The following ADAMTSL4 variants were observed in gnomAD, a reference collection of about 807,000 sequenced individuals.
The protein encoded by ADAMTSL4 is ADAMTS like 4, also known as ADAMTS-like protein 4.
ADAMTSL4 carries 97 observed loss-of-function variants against 122.8 expected under a neutral mutation model. The observed-to-expected ratio is 0.79, with a 90% CI of 0.67 to 0.93. ADAMTSL4 has a LOEUF of 0.93. ADAMTSL4 is among the 40% of genes least tolerant of loss of function. The probability of loss-of-function intolerance (pLI) is 0.00; values close to 1 mark genes in which losing one functional copy is unlikely to be tolerated. For missense variants in ADAMTSL4, 1,408 were observed against 1,453.5 expected (o/e 0.97, Z 0.51); for synonymous variants, 592 against 568.0 (o/e 1.04, Z -0.60).
At chr1:150,550,731 C>T (rs1218837769) in intron 2 of ADAMTSL4, 2 of 456,330 alleles carry the variant, frequency 4.4e-6, no homozygotes, top group African/African-American at 4.0e-5. Flanking sequence ...AGTGGCCGGC[C>T]CAGCCAGGGG....
In ADAMTSL4 at chr1:150,559,422, G is replaced by A; in HGVS notation, c.2899G>A (p.Gly967Arg). The A allele has an allele frequency of 6.2e-7, 1 of 1,613,278 alleles. No homozygotes were observed. Among genetic ancestry groups the A allele is most frequent in the Non-Finnish European group, 8.5e-7 (1 of 1,179,962 alleles). Residue 967 changes from glycine (G) to arginine (R), a missense_variant, in exon 17 of 19, where the codon GGG becomes AGG. By Grantham distance (125) the Gly-to-Arg change is moderately radical. Transcript: ENST00000271643. This position sits in a 1 kb window ranked among gnomAD's most constrained non-coding sequence, Gnocchi z 4.1. ...PRPPALQPCQ[G>R]QACQDRWFST... ...GCCCCCTGCCCTGCAGCCCTGTCAA[G>A]GGCAGGCCTGCCAGGACCGATGGTT...
chr1:150,558,662 C>T lies in ADAMTSL4; in HGVS notation c.2559+13C>T, dbSNP rs769565853. ...CTGGAGCTCCAAGGTGAGCCCGGAACCCCCAGCCATATCCTGCATCCTGGG... is the reference window on the plus strand; with the variant it reads ...CTGGAGCTCCAAGGTGAGCCCGGAATCCCCAGCCATATCCTGCATCCTGGG... On this transcript the variant is annotated intron_variant, in intron 15 of 18. Transcript: ENST00000271643. The T allele has an allele frequency of 3.7e-6, 6 of 1,613,782 alleles. No homozygotes were observed. Among genetic ancestry groups the T allele is most frequent in the Non-Finnish European group, 5.1e-6 (6 of 1,179,992 alleles).
chr1:150,551,419 G>A, intron 2 of ADAMTSL4: 1 of 203,026 alleles, frequency 4.9e-6, no homozygotes, highest in Admixed American at 5.2e-5. Flanking sequence ...GAAGGGAAGA[G>A]AAAGCCGGGA....
chr1:150,556,959 C>A lies in ADAMTSL4; in HGVS notation c.1770C>A (p.Asn590Lys). 6.2e-7 allele frequency: 1 copy of A among 1,614,124 alleles called. No individual in the cohort carries two copies. The highest frequency in any genetic ancestry group is 8.5e-7 in the Non-Finnish European group (1 of 1,179,998). Residue 590 changes from asparagine (N) to lysine (K), a missense_variant, in exon 11 of 19, where the codon AAC becomes AAA. Transcript: ENST00000271643. This position sits in a 1 kb window ranked among gnomAD's most constrained non-coding sequence, Gnocchi z 4.1. ...VDVYMIFQEE[N>K]PGVFYQYVIS... ...CCCAGATGATCTTTCAGGAGGAAAA[C>A]CCAGGCGTTTTTTATCAGTATGTCA... is the stretch of plus-strand genomic sequence containing the variant.
At chr1:150,550,693 G>C (rs773325041) in intron 2 of ADAMTSL4, 1 of 454,340 alleles carries the variant, frequency 2.2e-6, no homozygotes, top group East Asian at 7.0e-5. Flanking sequence ...GGCCTCCCCC[G>C]TTCAGTCAGG....
chr1:150,557,131 C>A lies in ADAMTSL4; in HGVS notation c.1862-19C>A. On this transcript the variant is annotated intron_variant, in intron 11 of 18. Coordinates refer to ENST00000271643, the MANE Select transcript of ADAMTSL4 (RefSeq NM_019032.6). ...CGGGGCAGTGGGGTGGCATCTGATT[C>A]GCCTGCTCCCCTGCACAGAGATTCT... 2 of 1,612,820 alleles carry A rather than the reference C, an allele frequency of 1.2e-6. No homozygotes were observed. Among genetic ancestry groups the A allele is most frequent in the Non-Finnish European group, 1.7e-6 (2 of 1,179,868 alleles).
At position 150,556,909 on chromosome 1, in the gene ADAMTSL4, C is replaced by T. The variant is rs751769088; in HGVS notation, c.1750-30C>T. On this transcript the variant is annotated intron_variant, in intron 10 of 18. Transcript: ENST00000271643. This position sits in a 1 kb window ranked among gnomAD's most constrained non-coding sequence, Gnocchi z 4.1. ...GGTGGCATCCTCTTCTGGCCACCCC[C>T]ACATATTCATTATCTTCTCTTCTCC... 81 of 1,610,876 alleles carry T rather than the reference C, an allele frequency of 5.0e-5. No homozygotes were observed. The South Asian group carries it at 8.9e-4, about 18-fold the overall frequency.
chr1:150,560,301 G>A lies in ADAMTSL4; in HGVS notation c.*105G>A. On this transcript the variant is annotated 3_prime_UTR_variant, in exon 19 of 19. Transcript: ENST00000271643. ...CTCCAGCCTGTCCCAGTCTCAGCAG[G>A]GATGTCCTCCAGGTGACAGAGGGTG... 6.6e-7 allele frequency: 1 copy of A among 1,525,094 alleles called. No individual in the cohort carries two copies. The highest frequency in any genetic ancestry group is 8.9e-7 in the Non-Finnish European group (1 of 1,128,718). 94.5% of individuals were successfully genotyped at this position (1,525,094 alleles called of 1,614,324 possible). A position where few individuals can be genotyped will look rare whatever the true frequency, so the allele number is the denominator to read the frequency against.
At position 150,554,005 on chromosome 1, in the gene ADAMTSL4, G is replaced by C; in HGVS notation, c.1014G>C (p.Trp338Cys). ...CTGACCCTCAGCACCCGGGCGCCTGGCTGCCCCTGCTGAGCAACGGCCCCC... is the reference window on the plus strand; with the variant it reads ...CTGACCCTCAGCACCCGGGCGCCTGCCTGCCCCTGCTGAGCAACGGCCCCC... ...LEPDPQHPGA[W>C]LPLLSNGPHA... Residue 338 changes from tryptophan (W) to cysteine (C), a missense_variant, in exon 6 of 19, where the codon TGG (tryptophan) becomes TGC (cysteine). Physicochemically the swap from Trp to Cys is radical, Grantham distance 215. Coordinates refer to ENST00000271643, the MANE Select transcript of ADAMTSL4 (RefSeq NM_019032.6). The surrounding 1 kb of genome is among the most constrained non-coding windows in gnomAD (Gnocchi z 4.0). 1 of 1,611,832 alleles carries C rather than the reference G, an allele frequency of 6.2e-7. No individual in the cohort carries two copies. The highest frequency in any genetic ancestry group is 8.5e-7 in the Non-Finnish European group (1 of 1,179,790).
chr1:150,555,915 C>T (rs1672057508), intron 8 of ADAMTSL4: 1 of 611,250 alleles, frequency 1.6e-6, no homozygotes, highest in Non-Finnish European at 2.9e-6. Flanking sequence ...AATTCAACAA[C>T]AAAACACCAT....
chr1:150,560,497 A>G lies in ADAMTSL4; in HGVS notation c.*301A>G, dbSNP rs1570968094. 2 of 459,982 alleles carry G rather than the reference A, an allele frequency of 4.3e-6. No individual in the cohort carries two copies. The highest frequency in any genetic ancestry group is 8.0e-6 in the Non-Finnish European group (2 of 251,176). The allele number at this position is 459,982 out of a possible 1,614,324, so 28.5% of individuals were successfully genotyped here. On this transcript the variant is annotated 3_prime_UTR_variant, in exon 19 of 19. Transcript: ENST00000271643. ...GGTTACACAGACTGAGAAGGACAAG[A>G]CCTGTTTCCTTGAGACTTTCCTAGG...
intron 14 of ADAMTSL4, 154 bp from the exon 15 acceptor site, chr1:150,558,319 A>G: frequency 6.6e-7 from 1 of 1,509,894 alleles, no homozygotes; most frequent in South Asian, 1.3e-5. Flanking sequence ...CTGGGGGCCC[A>G]GGGCCCTAGG....
rs766712956 is a variant in ADAMTSL4, at chr1:150,552,995, C to T, written c.176C>T (p.Pro59Leu). The change falls in exon 5 of 19, where the codon CCC becomes CTC. Residue 59 changes from proline (P) to leucine (L), a missense_variant. Transcript: ENST00000271643. This position sits in a 1 kb window ranked among gnomAD's most constrained non-coding sequence, Gnocchi z 4.0. ...GTCCAGTGGGCCTCTTGCTCCCAGCCCTGCGGGGTGGGGGTGCAGCGCAGG... is the reference window on the plus strand; with the variant it reads ...GTCCAGTGGGCCTCTTGCTCCCAGCTCTGCGGGGTGGGGGTGCAGCGCAGG... ...PWVQWASCSQ[P>L]CGVGVQRRSR... The T allele has an allele frequency of 2.5e-6, 4 of 1,613,298 alleles. No homozygotes were observed. Among genetic ancestry groups the T allele is most frequent in the Non-Finnish European group, 3.4e-6 (4 of 1,179,942 alleles).
Position 150,556,104 on chromosome 1 carries a change from G to A in ADAMTSL4, c.1372-58G>A, listed in dbSNP as rs1158590517. ...AGCTGAGGCTCCCGAGGGGACCGGG[G>A]TGGGGTTGAGGTGGTGTCTGGCGTT... On this transcript the variant is annotated intron_variant, in intron 8 of 18. Coordinates refer to ENST00000271643, the MANE Select transcript of ADAMTSL4 (RefSeq NM_019032.6). This position sits in a 1 kb window ranked among gnomAD's most constrained non-coding sequence, Gnocchi z 4.1. 1 of 1,593,228 alleles carries A rather than the reference G, an allele frequency of 6.3e-7. No individual in the cohort carries two copies. Among genetic ancestry groups the A allele is most frequent in the Non-Finnish European group, 8.6e-7 (1 of 1,164,408 alleles).
At chr1:150,557,730 G>A (rs1278004558) in intron 13 of ADAMTSL4, 107 bp downstream of exon 13, 2 of 1,397,298 alleles carry the variant, frequency 1.4e-6, no homozygotes, top group African/African-American at 2.9e-5. Flanking sequence ...CCTGGCTGCA[G>A]AGAGACAACA....
rs187309656 is a variant in ADAMTSL4, at chr1:150,558,079, G to A, written c.2312G>A (p.Arg771Gln). 74 of 1,613,168 alleles carry A rather than the reference G, an allele frequency of 4.6e-5. No individual in the cohort carries two copies. In the East Asian group the frequency reaches 7.1e-4, roughly 16 times the overall value. ...VPPERCGHLP[R>Q]PNITQSCQLR... Reference sequence around the variant, plus strand: ...CCGGAGCGCTGTGGACATCTCCCCCGGCCCAACATCACCCAGTCTTGCCAG... The same window carrying A: ...CCGGAGCGCTGTGGACATCTCCCCCAGCCCAACATCACCCAGTCTTGCCAG... The change falls in exon 14 of 19, where the codon CGG (arginine) becomes CAG (glutamine). Residue 771 changes from arginine (R) to glutamine (Q), a missense_variant. Arg to Gln is a conservative substitution (Grantham distance 43). Transcript: ENST00000271643.
chr1:150,554,026 C>T lies in ADAMTSL4; in HGVS notation c.1035C>T (p.Gly345=). 6.2e-7 allele frequency: 1 copy of T among 1,611,094 alleles called. No homozygotes were observed. Among genetic ancestry groups the T allele is most frequent in the Non-Finnish European group, 8.5e-7 (1 of 1,179,936 alleles). The change falls in exon 6 of 19, where the codon GGC becomes GGT. Residue 345 remains glycine, a synonymous_variant. Transcript: ENST00000271643. The surrounding 1 kb of genome is among the most constrained non-coding windows in gnomAD (Gnocchi z 4.0). The stretch of plus-strand genomic sequence containing the variant: ...CCTGGCTGCCCCTGCTGAGCAACGG[C>T]CCCCATGCCAGCTCCCTCTGGAGCC... The part of the protein sequence containing the change: ...PGAWLPLLSN[G]PHASSLWSLF...
intron 8 of ADAMTSL4, 176 bp from the exon 9 acceptor site, chr1:150,555,986 T>A: frequency 1.5e-6 from 1 of 681,470 alleles, no homozygotes; most frequent in Non-Finnish European, 2.6e-6. Context: ...GCCTGAAGGA[T>A]CTGATCGGGC....
intron 8 of ADAMTSL4, among the ~76,000 whole-genome samples, chr1:150,555,790 T>C (rs1179098413): frequency 1.3e-5 from 2 of 151,598 alleles, no homozygotes; most frequent in Non-Finnish European, 2.9e-5. Flanking sequence ...TGCATGCACA[T>C]GTGCACACGT....
Sources: gnomAD v4.1 joint callset for allele counts (sites outside exome capture counted in the v4.1 genomes callset) on GRCh38, gnomAD v4.1.1 for gene constraint, Gnocchi (gnomAD v3.1) non-coding constraint, MANE v1.5 for transcripts, NCBI Gene and HGNC (gene_info 2026-07-23, HGNC 2026-07-21) for gene names.